BCAS1: variants seen among roughly 807,000 people sequenced by gnomAD.
BCAS1 encodes the protein breast carcinoma-amplified sequence 1.
A neutral mutation model predicts 65.4 loss-of-function variants in BCAS1; 46 were observed. The observed-to-expected ratio is 0.70, with a 90% CI of 0.55 to 0.90. BCAS1 has a LOEUF of 0.90. Ranked by LOEUF, BCAS1 falls within the 40% of genes least tolerant of loss-of-function variation. The pLI is 0.00. For missense variants in BCAS1, 793 were observed against 771.2 expected (o/e 1.03, Z -0.33); for synonymous variants, 298 against 293.5 (o/e 1.02, Z -0.16).
chr20:53,975,078 T>C (rs555528573), intron 9 of BCAS1, among the ~76,000 whole-genome samples: 4 of 152,268 alleles, frequency 2.6e-5, no homozygotes, highest in African/African-American at 9.6e-5. Flanking sequence ...AGGCGGAGCA[T>C]CATTATCCCT....
intron 1 of BCAS1, among the ~76,000 whole-genome samples, chr20:54,063,267 C>T (rs1351152598): frequency 1.3e-5 from 2 of 152,202 alleles, no homozygotes; most frequent in African/African-American, 4.8e-5. Context: ...TCAGTTTCCT[C>T]ATCTGTAAAA....
chr20:54,044,794 T>C (rs2092067442), intron 3 of BCAS1, among the ~76,000 whole-genome samples: 1 of 148,578 alleles, frequency 6.7e-6, no homozygotes. Context: ...GCTGAGATCA[T>C]ACCACTGCAC....
chr20:53,986,241 C>A (rs758233771), intron 7 of BCAS1, among the ~76,000 whole-genome samples: 3 of 152,110 alleles, frequency 2.0e-5, no homozygotes, highest in Non-Finnish European at 4.4e-5. Context: ...TTCTCTCTCC[C>A]TCTGTCCGTA....
At chr20:54,060,690 G>T (rs746027547) in intron 1 of BCAS1, among the ~76,000 whole-genome samples, 2 of 152,154 alleles carry the variant, frequency 1.3e-5, no homozygotes, top group African/African-American at 2.4e-5. Context: ...TGGCACTGCT[G>T]GGTAGGATGG....
At position 54,028,567 on chromosome 20, in the gene BCAS1, TCTC is replaced by T. The variant is rs778765628; in HGVS notation, c.545_547del (p.Gly182del). 5 of 1,614,088 alleles carry T rather than the reference TCTC, an allele frequency of 3.1e-6. No individual in the cohort carries two copies. Among genetic ancestry groups the T allele is most frequent in the East Asian group, 2.2e-5 (1 of 44,874 alleles). ...GGAGTCCTTGGGCTTGGAGGGAGCT[TCTC>T]CTCCTGCTCCCCCTGTCTCAGGTGG... On this transcript the variant is annotated inframe_deletion, in exon 4 of 13. Transcript: ENST00000688948.
chr20:53,963,020 T>G (rs2089927324), intron 10 of BCAS1, among the ~76,000 whole-genome samples: 1 of 151,936 alleles, frequency 6.6e-6, no homozygotes, highest in East Asian at 2.0e-4. Flanking sequence ...CCGGCTAGTT[T>G]TTTGTATTTT....
intron 1 of BCAS1, among the ~76,000 whole-genome samples, chr20:54,066,674 A>T (rs773379714): frequency 7.2e-5 from 11 of 152,232 alleles, no homozygotes; most frequent in Non-Finnish European, 1.0e-4. Context: ...GCAAGAAGGC[A>T]GCTGTTGGCT....
intron 4 of BCAS1, among the ~76,000 whole-genome samples, chr20:54,002,408 T>C (rs564215655): frequency 6.6e-6 from 1 of 152,332 alleles, no homozygotes; most frequent in East Asian, 1.9e-4. Context: ...TTTCATCTGT[T>C]TTAGGCAAGA....
chr20:53,950,440 C>CG (rs560543036), intron 12 of BCAS1, among the ~76,000 whole-genome samples: 1 of 38,904 alleles, frequency 2.6e-5, no homozygotes, highest in Non-Finnish European at 6.4e-5. Flanking sequence ...GCACACCCCG[C>CG]CCCCAGACAC....
chr20:53,997,796 T>C (rs1404689226), intron 4 of BCAS1, among the ~76,000 whole-genome samples: 3 of 152,098 alleles, frequency 2.0e-5, no homozygotes, highest in Non-Finnish European at 4.4e-5. Context: ...GTGCATGTGG[T>C]TGTGGCCTGG....
chr20:54,049,517 G>C, intron 3 of BCAS1, among the ~76,000 whole-genome samples: 1 of 151,820 alleles, frequency 6.6e-6, no homozygotes, highest in East Asian at 1.9e-4. Context: ...AATCTGGTCA[G>C]GTGATATGTC....
chr20:54,049,084 C>T (rs1016681647), intron 3 of BCAS1, among the ~76,000 whole-genome samples: 2 of 152,184 alleles, frequency 1.3e-5, no homozygotes, highest in African/African-American at 2.4e-5. Flanking sequence ...GGCATCAGGT[C>T]TCCCATTCCA....
chr20:53,963,817 G>A (rs1359861483), intron 10 of BCAS1, among the ~76,000 whole-genome samples: 1 of 152,186 alleles, frequency 6.6e-6, no homozygotes, highest in Non-Finnish European at 1.5e-5. Context: ...TATTTCCTAA[G>A]AATGATTGCT....
intron 10 of BCAS1, among the ~76,000 whole-genome samples, chr20:53,963,007 T>C (rs180736674): frequency 0.011 from 1,718 of 151,726 alleles, 11 homozygotes; most frequent in Middle Eastern, 0.044. Context: ...CCCGCCACCA[T>C]GCCCGGCTAG....
chr20:53,970,110 G>A (rs1008468791), intron 9 of BCAS1, among the ~76,000 whole-genome samples: 13 of 137,604 alleles, frequency 9.4e-5, no homozygotes, highest in African/African-American at 4.7e-4. Flanking sequence ...GCAAAGACCT[G>A]GAGGAAAAAT....
At chr20:54,056,465 G>C (rs2146314568) in intron 3 of BCAS1, among the ~76,000 whole-genome samples, 1 of 152,172 alleles carries the variant, frequency 6.6e-6, no homozygotes, top group East Asian at 1.9e-4. Context: ...AGGGAGGGTG[G>C]GAGTGGAATG....
intron 4 of BCAS1, among the ~76,000 whole-genome samples, chr20:54,019,510 G>A (rs2091510485): frequency 6.6e-6 from 1 of 152,198 alleles, no homozygotes; most frequent in Non-Finnish European, 1.5e-5. Flanking sequence ...AACATTAGGT[G>A]TCAACTTGAT....
chr20:54,046,690 C>T (rs532512509), intron 3 of BCAS1, among the ~76,000 whole-genome samples: 1 of 151,108 alleles, frequency 6.6e-6, no homozygotes, highest in East Asian at 2.0e-4. Flanking sequence ...ACTAAAAATA[C>T]AAAAATTAGC....
chr20:54,013,276 C>A (rs1373969350), intron 4 of BCAS1, among the ~76,000 whole-genome samples: 1 of 152,052 alleles, frequency 6.6e-6, no homozygotes, highest in Admixed American at 6.6e-5. Context: ...ACAACTCAAC[C>A]CTCTACCAGG....
Sources: gnomAD v4.1 joint callset for allele counts (sites outside exome capture counted in the v4.1 genomes callset) on GRCh38, gnomAD v4.1.1 for gene constraint, MANE v1.5 for transcripts, NCBI Gene and HGNC (gene_info 2026-07-23, HGNC 2026-07-21) for gene names.